The following RHOG variants were observed in gnomAD, a reference collection of about 807,000 sequenced individuals.
RHOG encodes rho-related GTP-binding protein RhoG.
In RHOG, 1 loss-of-function variant was observed where a neutral mutation model predicts 12.3. The ratio of observed to expected loss-of-function variants is 0.08; its 90% confidence interval spans 0.03 to 0.39. The LOEUF (loss-of-function observed/expected upper bound fraction) is 0.39. Ranked by LOEUF, RHOG falls within the 10% of genes least tolerant of loss-of-function variation. RHOG has a pLI of 0.99. For synonymous variants in RHOG, 129 were observed against 116.0 expected (o/e 1.11, Z -0.72); for missense variants, 114 against 266.2 (o/e 0.43, Z 3.98).
intron 1 of RHOG, 65 bp from the exon 2 acceptor site, chr11:3,828,271 G>A (rs2090100575): frequency 3.9e-6 from 3 of 775,720 alleles, no homozygotes; most frequent in Non-Finnish European, 6.1e-6. Context: ...AAGAAAAGAT[G>A]GGGGCACACA....
intron 1 of RHOG, among the ~76,000 whole-genome samples, chr11:3,838,179 G>A (rs1455447284): frequency 6.6e-6 from 1 of 152,216 alleles, no homozygotes; most frequent in Non-Finnish European, 1.5e-5. Flanking sequence ...GACCATACCT[G>A]TTTAGCCAAG....
At chr11:3,836,075 G>A (rs1289296384) in intron 1 of RHOG, among the ~76,000 whole-genome samples, 1 of 151,294 alleles carries the variant, frequency 6.6e-6, no homozygotes, top group African/African-American at 2.4e-5. Flanking sequence ...AAAATCCCCC[G>A]GGTGCCGTGG....
intron 1 of RHOG, among the ~76,000 whole-genome samples, chr11:3,829,680 T>C (rs1181970066): frequency 6.6e-6 from 1 of 152,170 alleles, no homozygotes; most frequent in Non-Finnish European, 1.5e-5. Context: ...TATGTTATGA[T>C]GAATGAGGTA....
intron 1 of RHOG, among the ~76,000 whole-genome samples, chr11:3,834,703 G>T (rs1174593162): frequency 6.6e-6 from 1 of 152,350 alleles, no homozygotes; most frequent in Non-Finnish European, 1.5e-5. Flanking sequence ...GGCCCAGAAT[G>T]GGGGAGGGAA....
intron 1 of RHOG, among the ~76,000 whole-genome samples, chr11:3,835,790 A>G (rs1036339881): frequency 2.0e-5 from 3 of 152,198 alleles, no homozygotes; most frequent in African/African-American, 7.2e-5. Context: ...GGTCAAAGAC[A>G]TGGCAAGGGA....
At chr11:3,828,767 C>T (rs1201589906) in intron 1 of RHOG, among the ~76,000 whole-genome samples, 1 of 151,330 alleles carries the variant, frequency 6.6e-6, no homozygotes, top group Non-Finnish European at 1.5e-5. Flanking sequence ...ACTACAGGCA[C>T]CCACCACCAC....
At chr11:3,838,992 C>T (rs2090172340) in intron 1 of RHOG, among the ~76,000 whole-genome samples, 1 of 152,136 alleles carries the variant, frequency 6.6e-6, no homozygotes. Context: ...TGATGCAGAT[C>T]AGGGCATGCG....
At chr11:3,828,746 G>A (rs1251973005) in intron 1 of RHOG, among the ~76,000 whole-genome samples, 5 of 149,838 alleles carry the variant, frequency 3.3e-5, no homozygotes, top group South Asian at 2.1e-4. Context: ...TCAGCCTCTC[G>A]AGTAGCTGGG....
intron 1 of RHOG, among the ~76,000 whole-genome samples, chr11:3,829,671 A>G (rs974818349): frequency 6.6e-6 from 1 of 152,110 alleles, no homozygotes; most frequent in South Asian, 2.1e-4. Flanking sequence ...GGGTCTGGGT[A>G]TGTTATGATG....
chr11:3,832,278 GT>G (rs985556957), intron 1 of RHOG, among the ~76,000 whole-genome samples: 3 of 152,188 alleles, frequency 2.0e-5, no homozygotes, highest in African/African-American at 7.2e-5. Context: ...ATTCAGAACA[GT>G]AAAAGTAACT....
chr11:3,830,461 C>T (rs2090120346), intron 1 of RHOG: 1 of 151,892 alleles, frequency 6.6e-6, no homozygotes, highest in Non-Finnish European at 1.5e-5. Context: ...TTGAGACTAG[C>T]CTGGGCAACA....
chr11:3,839,145 C>T (rs1464834633), intron 1 of RHOG, among the ~76,000 whole-genome samples: 3 of 152,186 alleles, frequency 2.0e-5, no homozygotes, highest in Non-Finnish European at 4.4e-5. Context: ...ATTTCCATCA[C>T]ACCCAAGCTG....
chr11:3,832,647 C>T (rs1590477460), intron 1 of RHOG, among the ~76,000 whole-genome samples: 1 of 152,188 alleles, frequency 6.6e-6, no homozygotes, highest in East Asian at 1.9e-4. Context: ...AGGGGATCAG[C>T]CCAGTCCTCC....
At chr11:3,828,752 C>T (rs779779959) in intron 1 of RHOG, among the ~76,000 whole-genome samples, 5 of 151,096 alleles carry the variant, frequency 3.3e-5, no homozygotes, top group African/African-American at 7.3e-5. Flanking sequence ...TCTCGAGTAG[C>T]TGGGACTACA....
chr11:3,831,442 G>A (rs34330941), intron 1 of RHOG, among the ~76,000 whole-genome samples: 21 of 152,108 alleles, frequency 1.4e-4, no homozygotes, highest in Non-Finnish European at 2.2e-4. Context: ...GCGCGTGCAC[G>A]TGTGCATGCA....
Position 3,838,403 on chromosome 11 carries a change from C to T in RHOG, c.-69+2491G>A, listed in dbSNP as rs559145441. 8.4e-4 allele frequency among the ~76,000 whole-genome samples: 128 copies of T among 152,320 alleles called. 1 individual carries two copies. The highest frequency in any genetic ancestry group is 2.8e-3 in the African/African-American group (118 of 41,568). ...AGAGCCCTGTGGGTTTGCTCAGTTA[C>T]GCAGAATACTAAAGTAACTACTGGT... On this transcript the variant is annotated intron_variant, in intron 1 of 1. Transcript: ENST00000351018.
intron 1 of RHOG, among the ~76,000 whole-genome samples, chr11:3,839,200 G>C (rs575237589): frequency 6.6e-6 from 1 of 152,238 alleles, no homozygotes; most frequent in African/African-American, 2.4e-5. Flanking sequence ...GTAGGTAATG[G>C]AGTCAGGGAC....
chr11:3,835,670 A>G (rs913361243), intron 1 of RHOG, among the ~76,000 whole-genome samples: 11 of 152,214 alleles, frequency 7.2e-5, no homozygotes, highest in Admixed American at 3.9e-4. Flanking sequence ...CTTGTCTTCA[A>G]CTGGAAGGGT....
chr11:3,834,625 A>G (rs1440905505), intron 1 of RHOG, among the ~76,000 whole-genome samples: 2 of 152,188 alleles, frequency 1.3e-5, no homozygotes, highest in African/African-American at 4.8e-5. Context: ...GTCTAACCCT[A>G]TCTGAATGTG....
Sources: gnomAD v4.1 joint callset for allele counts (sites outside exome capture counted in the v4.1 genomes callset) on GRCh38, gnomAD v4.1.1 for gene constraint, MANE v1.5 for transcripts, NCBI Gene and HGNC (gene_info 2026-07-23, HGNC 2026-07-21) for gene names.